Variants in DENND5B observed in about 807,000 individuals in gnomAD.
DENND5B encodes the protein DENN domain containing 5B.
In DENND5B, 34 loss-of-function variants were observed where a neutral mutation model predicts 140.6. The observed-to-expected ratio is 0.24, with a 90% CI of 0.18 to 0.32. The LOEUF is 0.32. DENND5B is among the 10% of genes least tolerant of loss of function. DENND5B has a pLI of 1.00. For missense variants in DENND5B, 1,142 were observed against 1,560.2 expected (o/e 0.73, Z 4.52); for synonymous variants, 551 against 562.1 (o/e 0.98, Z 0.28).
At chr12:31,446,813 G>C (rs924229087) in intron 6 of DENND5B, among the ~76,000 whole-genome samples, 1 of 151,748 alleles carries the variant, frequency 6.6e-6, no homozygotes, top group African/African-American at 2.4e-5. Flanking sequence ...CGTGAACCCG[G>C]GAGGTGGCGC....
intron 1 of DENND5B, among the ~76,000 whole-genome samples, chr12:31,549,931 T>C (rs117590289): frequency 0.02 from 3,121 of 152,266 alleles, 57 homozygotes; most frequent in South Asian, 0.052. Context: ...TACGCATGCA[T>C]GCATCTTTGT....
At chr12:31,582,550 T>C (rs1950239804) in intron 1 of DENND5B, among the ~76,000 whole-genome samples, 1 of 152,246 alleles carries the variant, frequency 6.6e-6, no homozygotes, top group Admixed American at 6.5e-5. Flanking sequence ...AAAGCCTTTA[T>C]ACAGTAACAC....
At chr12:31,504,783 T>C (rs1947130025) in intron 1 of DENND5B, among the ~76,000 whole-genome samples, 1 of 152,002 alleles carries the variant, frequency 6.6e-6, no homozygotes, top group African/African-American at 2.4e-5. Flanking sequence ...GAAAATCTGC[T>C]TCTGGGTGGG....
chr12:31,509,833 T>C (rs187919357), intron 1 of DENND5B, among the ~76,000 whole-genome samples: 5 of 152,222 alleles, frequency 3.3e-5, no homozygotes, highest in Non-Finnish European at 7.4e-5. Context: ...TGGCCCTCAT[T>C]GAGGTGATGT....
intron 1 of DENND5B, among the ~76,000 whole-genome samples, chr12:31,514,061 G>GT (rs989213197): frequency 2.0e-5 from 3 of 151,890 alleles, no homozygotes; most frequent in Non-Finnish European, 4.4e-5. Context: ...GCCCAAGCTG[G>GT]TCTCAAACTC....
chr12:31,510,993 G>A (rs1361742738), intron 1 of DENND5B, among the ~76,000 whole-genome samples: 1 of 152,130 alleles, frequency 6.6e-6, no homozygotes, highest in Non-Finnish European at 1.5e-5. Context: ...CATTTTGGGA[G>A]GTCAAGGCGG....
chr12:31,443,033 T>G lies in DENND5B; in HGVS notation c.1862-108A>C, dbSNP rs572168220. 4.7e-4 allele frequency: 464 copies of G among 989,716 alleles called. 9 individuals are homozygous for G. The South Asian group carries it at 7.8e-3, about 17-fold the overall frequency. 61.3% of individuals were successfully genotyped at this position (989,716 alleles called of 1,614,324 possible). Reference sequence around the variant, plus strand: ...AGAGAACCCAATCACTCTGACACTCTGAAACAGATATTGTGTGTGTGTGTG... The same window carrying G: ...AGAGAACCCAATCACTCTGACACTCGGAAACAGATATTGTGTGTGTGTGTG... On this transcript the variant is annotated intron_variant, in intron 6 of 20. Transcript: ENST00000389082.
chr12:31,392,762 T>TTGATGTCC, intron 17 of DENND5B, 66 bp from the exon 18 acceptor site: 1 of 1,389,628 alleles, frequency 7.2e-7, no homozygotes, highest in Non-Finnish European at 9.8e-7. Context: ...CTATGGGACA[T>TTGATGTCC]CAACTGTGTC....
chr12:31,536,188 G>A (rs1948487588), intron 1 of DENND5B, among the ~76,000 whole-genome samples: 1 of 152,074 alleles, frequency 6.6e-6, no homozygotes, highest in Admixed American at 6.6e-5. Flanking sequence ...GGAAACATAG[G>A]CCAATTAAAC....
chr12:31,545,657 A>T (rs546967867), intron 1 of DENND5B, among the ~76,000 whole-genome samples: 8 of 152,280 alleles, frequency 5.3e-5, no homozygotes, highest in South Asian at 4.1e-4. Context: ...AAAAATCAGG[A>T]TAAAAGGATA....
chr12:31,443,135 G>A (rs2137991605), intron 6 of DENND5B, among the ~76,000 whole-genome samples: 1 of 152,288 alleles, frequency 6.6e-6, no homozygotes, highest in East Asian at 1.9e-4. Flanking sequence ...GAGTGCAATG[G>A]CGCGATCTCA....
At chr12:31,548,595 C>CAATA (rs954510310) in intron 1 of DENND5B, among the ~76,000 whole-genome samples, 1 of 152,004 alleles carries the variant, frequency 6.6e-6, no homozygotes, top group Admixed American at 6.6e-5. Flanking sequence ...TGTCAAACAA[C>CAATA]AATAAATAAA....
intron 20 of DENND5B, among the ~76,000 whole-genome samples, chr12:31,388,578 T>C (rs1054032659): frequency 5.9e-5 from 9 of 152,078 alleles, no homozygotes; most frequent in African/African-American, 2.2e-4. Context: ...AATCAGGCCA[T>C]CTTCAGTCTC....
At chr12:31,564,404 A>G (rs1949564838) in intron 1 of DENND5B, among the ~76,000 whole-genome samples, 1 of 151,980 alleles carries the variant, frequency 6.6e-6, no homozygotes, top group South Asian at 2.1e-4. Flanking sequence ...GGAACTGTTA[A>G]GAGTCCATGA....
Position 31,427,501 on chromosome 12 carries a change from G to A in DENND5B, c.2107-1077C>T, listed in dbSNP as rs542501907. Among the ~76,000 whole-genome samples the A allele has an allele frequency of 3.3e-5, 5 of 152,020 alleles. No homozygotes were observed. In the South Asian group the frequency reaches 1.0e-3, roughly 32 times the overall value. On this transcript the variant is annotated intron_variant, in intron 8 of 20. Transcript: ENST00000389082. Reference sequence around the variant, plus strand: ...GACGTCTGTAATCCCAGCTACTCGGGAGGCTGAGGCAGAAGAATCGCTTGA... The same window carrying A: ...GACGTCTGTAATCCCAGCTACTCGGAAGGCTGAGGCAGAAGAATCGCTTGA...
Position 31,460,356 on chromosome 12 carries a change from T to C in DENND5B, c.930A>G (p.Ala310=), listed in dbSNP as rs749905313. 12 of 1,613,922 alleles carry C rather than the reference T, an allele frequency of 7.4e-6. No individual in the cohort carries two copies. The highest frequency in any genetic ancestry group is 5.9e-6 in the Non-Finnish European group (7 of 1,179,884). The change falls in exon 4 of 21, where the codon GCA becomes GCG. Residue 310 remains alanine, a synonymous_variant. Transcript: ENST00000389082. ...GGAACAAAAGTGTGGTGATGCCTTC[T>C]GCCACAGTCATCAGGCGTTGATAAT... is the stretch of plus-strand genomic sequence containing the variant. ...SQDYQRLMTV[A]EGITTLLFPF...
chr12:31,390,393 C>T (rs1166922962), intron 19 of DENND5B, among the ~76,000 whole-genome samples: 1 of 152,140 alleles, frequency 6.6e-6, no homozygotes, highest in Non-Finnish European at 1.5e-5. Flanking sequence ...AATCCCAGCA[C>T]TTTGGGAGGC....
At chr12:31,483,510 G>A (rs902362636) in intron 2 of DENND5B, among the ~76,000 whole-genome samples, 2 of 151,456 alleles carry the variant, frequency 1.3e-5, no homozygotes, top group Non-Finnish European at 2.9e-5. Context: ...GCGCGATCTC[G>A]GCTCCCTGCA....
chr12:31,455,226 C>T (rs1207163781), intron 4 of DENND5B, among the ~76,000 whole-genome samples: 2 of 152,130 alleles, frequency 1.3e-5, no homozygotes, highest in Admixed American at 6.6e-5. Flanking sequence ...TTCACTAATG[C>T]CTTCCTACTA....
Sources: gnomAD v4.1 joint callset for allele counts (sites outside exome capture counted in the v4.1 genomes callset) on GRCh38, gnomAD v4.1.1 for gene constraint, MANE v1.5 for transcripts, NCBI Gene and HGNC (gene_info 2026-07-23, HGNC 2026-07-21) for gene names.